NT5DC1: variants seen among roughly 807,000 people sequenced by gnomAD.
NT5DC1 encodes 5'-nucleotidase domain-containing protein 1.
In NT5DC1, 42 loss-of-function variants were observed where a neutral mutation model predicts 59.4. That is an observed-to-expected ratio of 0.71 (90% confidence interval 0.55 to 0.92). The LOEUF (loss-of-function observed/expected upper bound fraction) is 0.92. NT5DC1 is among the 40% of genes least tolerant of loss of function. The pLI is 0.00. For missense variants in NT5DC1, 501 were observed against 537.1 expected, an observed-to-expected ratio of 0.93 and a Z score of 0.66; for synonymous variants, 172 against 188.1, an observed-to-expected ratio of 0.91 and a Z score of 0.70.
chr6:116,114,508 T>G (rs1778929175), intron 4 of NT5DC1, among the ~76,000 whole-genome samples: 1 of 112,452 alleles, frequency 8.9e-6, no homozygotes, highest in African/African-American at 3.4e-5. Flanking sequence ...TTCCATAACC[T>G]CATATACATA....
At chr6:116,138,833 A>G (rs530650751) in intron 6 of NT5DC1, among the ~76,000 whole-genome samples, 2 of 152,238 alleles carry the variant, frequency 1.3e-5, no homozygotes, top group Admixed American at 1.3e-4. Context: ...TACAACTATG[A>G]TATTGAGAGA....
chr6:116,152,108 T>C (rs185002559), intron 6 of NT5DC1, among the ~76,000 whole-genome samples: 1 of 152,358 alleles, frequency 6.6e-6, no homozygotes, highest in African/African-American at 2.4e-5. Context: ...GAGTGAGATT[T>C]GTATGTCACA....
chr6:116,147,783 C>G (rs996190068), intron 6 of NT5DC1, among the ~76,000 whole-genome samples: 8 of 152,068 alleles, frequency 5.3e-5, no homozygotes, highest in African/African-American at 1.9e-4. Flanking sequence ...GATGTATATA[C>G]AGGGTTATTG....
chr6:116,104,046 T>G (rs1449394355), intron 1 of NT5DC1, among the ~76,000 whole-genome samples: 4 of 152,126 alleles, frequency 2.6e-5, no homozygotes, highest in African/African-American at 9.7e-5. Context: ...CGTGTATTAT[T>G]ATTACTCCTG....
At chr6:116,110,806 C>A in intron 3 of NT5DC1, 44 bp from the exon 4 acceptor site, 1 of 1,342,968 alleles carries the variant, frequency 7.4e-7, no homozygotes, top group Non-Finnish European at 1.1e-6. Flanking sequence ...AAGGGGCATT[C>A]AAGGAACCAT....
In NT5DC1 at chr6:116,106,719, A is replaced by G. The variant is rs181613297; in HGVS notation, c.185+384A>G. 2.5e-3 allele frequency among the ~76,000 whole-genome samples: 388 copies of G among 152,322 alleles called. 10 individuals are homozygous for G. In the South Asian group the frequency reaches 0.044, roughly 17 times the overall value. On this transcript the variant is annotated intron_variant, in intron 2 of 11. Transcript: ENST00000319550. ...ATAAGAGAAAAGGAGGAATCATCACATTTTGAGTAAGTCTGAATTAGGACA... is the reference window on the plus strand; with the variant it reads ...ATAAGAGAAAAGGAGGAATCATCACGTTTTGAGTAAGTCTGAATTAGGACA...
chr6:116,213,219 G>C (rs967019159), intron 6 of NT5DC1, among the ~76,000 whole-genome samples: 2 of 152,030 alleles, frequency 1.3e-5, no homozygotes, highest in African/African-American at 2.4e-5. Flanking sequence ...GATGTCAGTG[G>C]GGACAGTAGT....
rs78770010 is a variant in NT5DC1 at position 116,157,558 on chromosome 6, G to A, written c.529+39613G>A. On this transcript the variant is annotated intron_variant, in intron 6 of 11. Transcript: ENST00000319550. ...TTGAAGAGATTTGAGTCCAATGGGGGATCAAGTGTATGTGAAATTGCATTT... is the reference window on the plus strand; with the variant it reads ...TTGAAGAGATTTGAGTCCAATGGGGAATCAAGTGTATGTGAAATTGCATTT... 7.0e-3 allele frequency among the ~76,000 whole-genome samples: 1,062 copies of A among 152,286 alleles called. 7 individuals are homozygous for A. Among genetic ancestry groups the A allele is most frequent in the African/African-American group, 0.024 (1,007 of 41,542 alleles).
intron 1 of NT5DC1, among the ~76,000 whole-genome samples, chr6:116,103,929 T>C (rs1778714082): frequency 6.6e-6 from 1 of 152,174 alleles, no homozygotes; most frequent in South Asian, 2.1e-4. Flanking sequence ...GAAAGTCACA[T>C]TTACCTAGGC....
chr6:116,237,030 C>T lies in NT5DC1; in HGVS notation c.867C>T (p.Asn289=), dbSNP rs61756061. The part of the protein sequence containing the change: ...LDKPGWYSQG[N]AVHLYELLKK... ...AACCTGGCTGGTACTCCCAAGGGAA[C>T]GCTGTCCACCTCTATGAACTTCTGA... Residue 289 remains asparagine (N), a synonymous_variant, in exon 9 of 12, where the codon AAC becomes AAT. Coordinates refer to ENST00000319550, the MANE Select transcript of NT5DC1 (RefSeq NM_152729.3). 4.1e-3 allele frequency: 6,643 copies of T among 1,612,904 alleles called. 27 individuals carry two copies. The highest frequency in any genetic ancestry group is 4.4e-3 in the Non-Finnish European group (5,129 of 1,179,002).
chr6:116,237,220 G>C (rs902295771), intron 9 of NT5DC1, 136 bp downstream of exon 9: 1 of 654,692 alleles, frequency 1.5e-6, no homozygotes, highest in African/African-American at 1.8e-5. Context: ...GTCTATCTGT[G>C]ATAGAGAGGA....
At chr6:116,169,108 A>C (rs922574150) in intron 6 of NT5DC1, among the ~76,000 whole-genome samples, 1 of 152,034 alleles carries the variant, frequency 6.6e-6, no homozygotes, top group Non-Finnish European at 1.5e-5. Flanking sequence ...ACTTTTCTTG[A>C]AGTTGGTGTT....
rs1343032211 is a variant in NT5DC1 at position 116,236,959 on chromosome 6, T to C, written c.803-7T>C. ...AAAAGTATATGATTGTCAAACTGTA[T>C]TTTCAGAGAATGATGAGGAGCAGGA... On this transcript the variant is annotated splice_region_variant and splice_polypyrimidine_tract_variant and intron_variant, in intron 8 of 11. Coordinates refer to ENST00000319550, the MANE Select transcript of NT5DC1 (RefSeq NM_152729.3). The C allele has an allele frequency of 3.2e-6, 5 of 1,556,086 alleles. No individual in the cohort carries two copies. The Admixed American group carries it at 8.4e-5, about 26-fold the overall frequency.
intron 6 of NT5DC1, among the ~76,000 whole-genome samples, chr6:116,158,138 A>C (rs182546978): frequency 2.7e-4 from 41 of 152,340 alleles, no homozygotes; most frequent in Admixed American, 2.4e-3. Context: ...ATGAGTTCAA[A>C]TTACTACAGT....
At chr6:116,155,368 T>G (rs2114409571) in intron 6 of NT5DC1, among the ~76,000 whole-genome samples, 1 of 152,310 alleles carries the variant, frequency 6.6e-6, no homozygotes, top group Admixed American at 6.5e-5. Flanking sequence ...GTTTTTATTT[T>G]TTGGTTTTTG....
At chr6:116,154,980 G>A (rs1023150607) in intron 6 of NT5DC1, among the ~76,000 whole-genome samples, 3 of 152,128 alleles carry the variant, frequency 2.0e-5, no homozygotes, top group African/African-American at 7.2e-5. Flanking sequence ...TGTTCTTTCT[G>A]TTTAACTTTT....
intron 6 of NT5DC1, among the ~76,000 whole-genome samples, chr6:116,220,644 G>C (rs1055973460): frequency 6.6e-6 from 1 of 152,136 alleles, no homozygotes; most frequent in African/African-American, 2.4e-5. Context: ...TGTGATCCTG[G>C]TGCAATATCT....
chr6:116,148,908 A>G (rs1779964123), intron 6 of NT5DC1, among the ~76,000 whole-genome samples: 1 of 152,184 alleles, frequency 6.6e-6, no homozygotes, highest in Non-Finnish European at 1.5e-5. Context: ...ACATGATACC[A>G]ATTTATAAGT....
At chr6:116,209,144 G>T (rs978225866) in intron 6 of NT5DC1, among the ~76,000 whole-genome samples, 1 of 151,884 alleles carries the variant, frequency 6.6e-6, no homozygotes, top group African/African-American at 2.4e-5. Context: ...TTACTGTCCC[G>T]TAGTTATTAA....
Sources: allele counts gnomAD v4.1 joint callset (sites outside exome capture counted in the v4.1 genomes callset), GRCh38; gene constraint gnomAD v4.1.1; transcripts MANE v1.5; gene names NCBI Gene and HGNC (gene_info 2026-07-23, HGNC 2026-07-21).